The following PTPRA variants were observed in gnomAD, a reference collection of about 807,000 sequenced individuals.
PTPRA encodes protein tyrosine phosphatase receptor type A.
Under a neutral mutation model 104.8 loss-of-function variants are expected in PTPRA, and 25 were observed. That is an observed-to-expected ratio of 0.24 (90% CI 0.17 to 0.33). The LOEUF (loss-of-function observed/expected upper bound fraction) is 0.33, where lower values mean the gene tolerates loss of function less well. PTPRA is among the 10% of genes least tolerant of loss of function. The pLI is 1.00. For synonymous variants in PTPRA, 323 were observed against 368.9 expected (o/e 0.88, Z 1.43); for missense variants, 765 against 1,015.3 (o/e 0.75, Z 3.35).
the PTPRA span, chr20:2,865,566 G>A: frequency 7.0e-7 from 1 of 1,421,402 alleles, no homozygotes; most frequent in Non-Finnish European, 9.7e-7. This position sits in a 1 kb window ranked among gnomAD's most constrained non-coding sequence, Gnocchi z 5.2. Context: ...TAGGCAGGGA[G>A]ACAGATAGGA....
intron 3 of PTPRA, among the ~76,000 whole-genome samples, chr20:2,954,162 C>T (rs1006595842): frequency 2.0e-5 from 3 of 150,810 alleles, no homozygotes; most frequent in Admixed American, 2.0e-4. Flanking sequence ...ACTGCAACCT[C>T]CTCTTCCTGG....
At chr20:2,912,513 C>A (rs569563143) in intron 1 of PTPRA, among the ~76,000 whole-genome samples, 2 of 151,868 alleles carry the variant, frequency 1.3e-5, no homozygotes, top group African/African-American at 2.4e-5. Flanking sequence ...AGTCCCAGCT[C>A]CTTTGCAGGC....
intron 9 of PTPRA, among the ~76,000 whole-genome samples, chr20:2,989,754 A>C (rs1025643619): frequency 1.3e-5 from 2 of 152,196 alleles, no homozygotes; most frequent in Non-Finnish European, 2.9e-5. Context: ...ACGGTGGCTC[A>C]CGCCTGTAAT....
At chr20:2,868,343 T>A in the PTPRA span, among the ~76,000 whole-genome samples, 1 of 133,150 alleles carries the variant, frequency 7.5e-6, no homozygotes, top group Non-Finnish European at 1.5e-5. Context: ...GTGGTAGAGA[T>A]GGGGTCTCGG....
chr20:2,922,595 G>T (rs1213273455), intron 1 of PTPRA, among the ~76,000 whole-genome samples: 2 of 151,968 alleles, frequency 1.3e-5, no homozygotes, highest in Non-Finnish European at 2.9e-5. Flanking sequence ...GCCTGCCTCG[G>T]CCTCCCAAAG....
intron 1 of PTPRA, among the ~76,000 whole-genome samples, chr20:2,893,648 G>A (rs2058884470): frequency 6.6e-6 from 1 of 151,850 alleles, no homozygotes; most frequent in South Asian, 2.1e-4. Context: ...GTTATTTATT[G>A]TTGCTTATCC....
At chr20:2,889,572 G>A (rs1028917686) in intron 1 of PTPRA, among the ~76,000 whole-genome samples, 3 of 152,160 alleles carry the variant, frequency 2.0e-5, no homozygotes, top group Non-Finnish European at 2.9e-5. Context: ...TAACGCAAAA[G>A]TACTACTAGT....
Position 2,988,462 on chromosome 20 carries a change from G to C in PTPRA, c.726G>C (p.Arg242Ser). The C allele has an allele frequency of 1.2e-6, 2 of 1,613,006 alleles. No homozygotes were observed. Among genetic ancestry groups the C allele is most frequent in the Non-Finnish European group, 1.7e-6 (2 of 1,179,798 alleles). Residue 242 changes from arginine to serine, a missense_variant, in exon 9 of 24, where the codon AGG (arginine) becomes AGC (serine). Transcript: ENST00000399903. ...RRMADDNKLF[R>S]EEFNALPACP... ...TGGCAGACGACAATAAGCTCTTCAG[G>C]GAGGAATTCAACGTGAGTACTTTGT...
At chr20:2,967,466 T>C (rs2061986666) in intron 5 of PTPRA, among the ~76,000 whole-genome samples, 2 of 152,362 alleles carry the variant, frequency 1.3e-5, no homozygotes, top group South Asian at 4.1e-4. Flanking sequence ...ATTGTAATTA[T>C]GAAATATTCA....
intron 13 of PTPRA, among the ~76,000 whole-genome samples, chr20:3,018,689 T>G (rs997539173): frequency 1.3e-5 from 2 of 151,284 alleles, no homozygotes; most frequent in African/African-American, 4.9e-5. Context: ...CCCCTTTCTA[T>G]TCCACAAAAC....
chr20:3,024,791 G>A lies in PTPRA; in HGVS notation c.1614+170G>A, dbSNP rs547842988. Among the ~76,000 whole-genome samples, 5 of 152,286 alleles carry A rather than the reference G, an allele frequency of 3.3e-5. No individual in the cohort carries two copies. In the East Asian group the frequency reaches 5.8e-4, roughly 18 times the overall value. On this transcript the variant is annotated intron_variant, in intron 17 of 23. Coordinates refer to ENST00000399903, the MANE Select transcript of PTPRA (RefSeq NM_001385305.1). ...TGGTAACTCTCAACTCATCCTGCAC[G>A]TTGGAATCACTTTGGTTGTGTTAGA...
In PTPRA at chr20:2,928,934, A is replaced by G. The variant is rs558688313; in HGVS notation, c.-50+5649A>G. Among the ~76,000 whole-genome samples, 100 of 151,310 alleles carry G rather than the reference A, an allele frequency of 6.6e-4. 1 individual carries two copies. Among genetic ancestry groups the G allele is most frequent in the African/African-American group, 2.3e-3 (93 of 41,238 alleles). On this transcript the variant is annotated intron_variant, in intron 2 of 23. Coordinates refer to ENST00000399903, the MANE Select transcript of PTPRA (RefSeq NM_001385305.1). ...AGCCTCGAGCTCCCAGGTTCAAGCA[A>G]TCCTCCCACCTCAGCTTTCCAAGTA... is the stretch of plus-strand genomic sequence containing the variant.
chr20:2,866,581 C>T, the PTPRA span: 5 of 1,613,712 alleles, frequency 3.1e-6, no homozygotes, highest in Non-Finnish European at 4.2e-6. Flanking sequence ...GTGAGGAGTC[C>T]ATCCTGTACA....
intron 3 of PTPRA, among the ~76,000 whole-genome samples, chr20:2,962,054 A>G (rs1157978725): frequency 6.6e-6 from 1 of 152,208 alleles, no homozygotes; most frequent in East Asian, 1.9e-4. Flanking sequence ...CTTCTTTAAT[A>G]TTGAGTTGCC....
intron 14 of PTPRA, 96 bp from the exon 15 acceptor site, chr20:3,021,958 C>G: frequency 6.8e-7 from 1 of 1,464,866 alleles, no homozygotes; most frequent in Non-Finnish European, 9.3e-7. Context: ...CTTACTTTTC[C>G]ATTGTCACTG....
chr20:3,017,964 G>C (rs1413611718), intron 13 of PTPRA, 51 bp downstream of exon 13: 1 of 1,479,142 alleles, frequency 6.8e-7, no homozygotes, highest in Non-Finnish European at 9.4e-7. Flanking sequence ...CTGCATATAA[G>C]CTCTGAGTTT....
At chr20:2,929,196 C>T (rs1411064248) in intron 2 of PTPRA, among the ~76,000 whole-genome samples, 1 of 151,972 alleles carries the variant, frequency 6.6e-6, no homozygotes, top group South Asian at 2.1e-4. Context: ...AAGCGATCCA[C>T]CTGCCTCAGC....
At position 3,027,855 on chromosome 20, in the gene PTPRA, G is replaced by A; in HGVS notation, c.1920+14G>A. 2.5e-6 allele frequency: 4 copies of A among 1,613,068 alleles called. No homozygotes were observed. The highest frequency in any genetic ancestry group is 3.4e-6 in the Non-Finnish European group (4 of 1,179,582). On this transcript the variant is annotated intron_variant, in intron 20 of 23. Transcript: ENST00000399903. ...GAGAGAGGCCAGGTGAGTTCAAAAG[G>A]TCCTGGGTGGTGAGAGACAGAGACA...
intron 20 of PTPRA, among the ~76,000 whole-genome samples, chr20:3,030,547 A>G (rs1179385420): frequency 6.6e-6 from 1 of 152,192 alleles, no homozygotes; most frequent in Non-Finnish European, 1.5e-5. Context: ...CTACACTTAT[A>G]CAGTGACACT....
Sources: allele counts gnomAD v4.1 joint callset (sites outside exome capture counted in the v4.1 genomes callset), GRCh38; gene constraint gnomAD v4.1.1; non-coding constraint Gnocchi (gnomAD v3.1); transcripts MANE v1.5; gene names NCBI Gene and HGNC (gene_info 2026-07-23, HGNC 2026-07-21).